SRR: variants seen among roughly 807,000 people sequenced by gnomAD.
The protein encoded by SRR is serine racemase.
Under a neutral mutation model 32.7 loss-of-function variants are expected in SRR, and 19 were observed. That is an observed-to-expected ratio of 0.58 (90% CI 0.40 to 0.85). The LOEUF (loss-of-function observed/expected upper bound fraction) is 0.85, where lower values mean the gene tolerates loss of function less well. Ranked by LOEUF, SRR falls within the 40% of genes least tolerant of loss-of-function variation. The pLI is 0.00. For missense variants in SRR, 373 were observed against 404.7 expected, an observed-to-expected ratio of 0.92 and a Z score of 0.67; for synonymous variants, 142 against 140.9, an observed-to-expected ratio of 1.01 and a Z score of -0.06.
Position 2,325,029 on chromosome 17 carries a change from G to T in SRR, c.*1156G>T. ...TGAAAACTTGTACTTCAAGAGAAATGATGTATAACAAAACCATACTTTTTC... is the reference window on the plus strand; with the variant it reads ...TGAAAACTTGTACTTCAAGAGAAATTATGTATAACAAAACCATACTTTTTC... On this transcript the variant is annotated 3_prime_UTR_variant, in exon 8 of 8. Coordinates refer to ENST00000344595, the MANE Select transcript of SRR (RefSeq NM_021947.3). 1 of 623,776 alleles carries T rather than the reference G, an allele frequency of 1.6e-6. No homozygotes were observed. Among genetic ancestry groups the T allele is most frequent in the Non-Finnish European group, 2.7e-6 (1 of 371,592 alleles). 38.6% of individuals were successfully genotyped at this position (623,776 alleles called of 1,614,324 possible). A position where few individuals can be genotyped will look rare whatever the true frequency, so the allele number is the denominator to read the frequency against.
chr17:2,320,325 G>T (rs1463203618), intron 4 of SRR, among the ~76,000 whole-genome samples: 2 of 124,844 alleles, frequency 1.6e-5, no homozygotes, highest in Admixed American at 9.5e-5. Flanking sequence ...GCACAATCTC[G>T]GCTCACTGCA....
At chr17:2,303,761 C>T (rs961150908), upstream of SRR, 51 of 1,468,978 alleles carry the variant, frequency 3.5e-5, no homozygotes, top group Non-Finnish European at 4.1e-5. Flanking sequence ...TCCGCCACCG[C>T]CGCGCGCAGC....
rs1221090581 is a variant in SRR at position 2,306,998 on chromosome 17, A to G, written c.-5+2981A>G. 7 of 1,386,012 alleles carry G rather than the reference A, an allele frequency of 5.1e-6. No homozygotes were observed. The African/African-American group carries it at 9.9e-5, about 20-fold the overall frequency. The allele number at this position is 1,386,012 out of a possible 1,614,324, so 85.9% of individuals were successfully genotyped here. ...ACGAATGCAAGGCCACACAAGGTGG[A>G]TGGAAGAGTTGTGGAACCAAAGAGA... is the stretch of plus-strand genomic sequence containing the variant. On this transcript the variant is annotated intron_variant, in intron 1 of 7. Coordinates refer to ENST00000344595, the MANE Select transcript of SRR (RefSeq NM_021947.3).
intron 1 of SRR, among the ~76,000 whole-genome samples, chr17:2,312,260 C>T (rs977472307): frequency 6.7e-6 from 1 of 148,462 alleles, no homozygotes; most frequent in African/African-American, 2.5e-5. Flanking sequence ...GGCCAAGATA[C>T]ACAAAAAAAT....
At chr17:2,314,283 C>G (rs901296681) in intron 1 of SRR, among the ~76,000 whole-genome samples, 3 of 151,432 alleles carry the variant, frequency 2.0e-5, no homozygotes, top group Non-Finnish European at 4.4e-5. Context: ...AACCCCGTCT[C>G]TATTAAAAAT....
intron 6 of SRR, 108 bp downstream of exon 6, chr17:2,321,724 CCT>C: frequency 1.0e-6 from 1 of 981,936 alleles, no homozygotes; most frequent in South Asian, 1.4e-5. Flanking sequence ...CATTCCTTCC[CCT>C]TATTCCTTTG....
intron 1 of SRR, chr17:2,307,613 T>C (rs1170803188): frequency 2.1e-6 from 2 of 955,518 alleles, no homozygotes; most frequent in Non-Finnish European, 3.4e-6. Context: ...GCAGAAGCTC[T>C]GGCCCCTATG....
intron 4 of SRR, 53 bp from the exon 5 acceptor site, chr17:2,321,250 CTTG>C: frequency 1.3e-6 from 2 of 1,592,842 alleles, no homozygotes; most frequent in Non-Finnish European, 1.7e-6. Flanking sequence ...CCAAATGGAA[CTTG>C]TTGGGGACTC....
Position 2,325,054 on chromosome 17 carries a change from C to T in SRR, c.*1181C>T. On this transcript the variant is annotated 3_prime_UTR_variant, in exon 8 of 8. Transcript: ENST00000344595. ...GATGTATAACAAAACCATACTTTTT[C>T]TCATCAGTTGTTACAAGGAAAGGAT... 1 of 602,382 alleles carries T rather than the reference C, an allele frequency of 1.7e-6. No homozygotes were observed. Among genetic ancestry groups the T allele is most frequent in the South Asian group, 2.4e-5 (1 of 42,432 alleles). 37.3% of individuals were successfully genotyped at this position (602,382 alleles called of 1,614,324 possible). A position where few individuals can be genotyped will look rare whatever the true frequency, so the allele number is the denominator to read the frequency against.
At chr17:2,316,734 A>G (rs901261318) in intron 2 of SRR, among the ~76,000 whole-genome samples, 1 of 151,890 alleles carries the variant, frequency 6.6e-6, no homozygotes, top group Non-Finnish European at 1.5e-5. Context: ...TTGTTTTGAG[A>G]CGGAGTCTCA....
In SRR at chr17:2,324,830, C is replaced by A. The variant is rs1567781617; in HGVS notation, c.*957C>A. 1 of 1,605,048 alleles carries A rather than the reference C, an allele frequency of 6.2e-7. No homozygotes were observed. Among genetic ancestry groups the A allele is most frequent in the Non-Finnish European group, 8.5e-7 (1 of 1,177,566 alleles). Reference sequence around the variant, plus strand: ...CCTGTAGCAATGAGGCTGTGCATTCCTAAAGGACAAAAGCAAAGAAGCTAT... The same window carrying A: ...CCTGTAGCAATGAGGCTGTGCATTCATAAAGGACAAAAGCAAAGAAGCTAT... On this transcript the variant is annotated 3_prime_UTR_variant, in exon 8 of 8. Coordinates refer to ENST00000344595, the MANE Select transcript of SRR (RefSeq NM_021947.3).
intron 1 of SRR, among the ~76,000 whole-genome samples, chr17:2,308,991 G>A (rs2075414669): frequency 6.6e-6 from 1 of 151,004 alleles, no homozygotes; most frequent in African/African-American, 2.4e-5. Context: ...GGTGCTACAT[G>A]CCTGTAATCC....
intron 1 of SRR, among the ~76,000 whole-genome samples, chr17:2,312,683 T>A (rs2075441661): frequency 6.6e-6 from 1 of 152,186 alleles, no homozygotes; most frequent in East Asian, 1.9e-4. Context: ...CCATCAAAAC[T>A]GTTGTTGGGA....
chr17:2,308,043 C>CT (rs199908612), intron 1 of SRR, among the ~76,000 whole-genome samples: 22 of 141,924 alleles, frequency 1.6e-4, no homozygotes, highest in East Asian at 1.0e-3. Flanking sequence ...GAATAAATGT[C>CT]TTTTTAAAAA....
At chr17:2,305,076 C>A (rs1188677669) in intron 1 of SRR, among the ~76,000 whole-genome samples, 1 of 152,140 alleles carries the variant, frequency 6.6e-6, no homozygotes, top group Admixed American at 6.5e-5. Flanking sequence ...TCCTTCAGTT[C>A]CTTTTACGTG....
chr17:2,314,490 G>A (rs2075455934), intron 1 of SRR, among the ~76,000 whole-genome samples: 1 of 151,946 alleles, frequency 6.6e-6, no homozygotes, highest in African/African-American at 2.4e-5. Flanking sequence ...GGCTGAGGCA[G>A]GAGAATGGCG....
At chr17:2,315,795 C>A in intron 2 of SRR, 67 bp downstream of exon 2, 1 of 1,443,006 alleles carries the variant, frequency 6.9e-7, no homozygotes, top group Non-Finnish European at 9.6e-7. Flanking sequence ...GTTTGATTCT[C>A]CTGACCACCC....
At chr17:2,305,172 T>C (rs1348751682) in intron 1 of SRR, among the ~76,000 whole-genome samples, 1 of 152,136 alleles carries the variant, frequency 6.6e-6, no homozygotes. Flanking sequence ...GAGGAACCAT[T>C]TGAGTGGTCA....
intron 1 of SRR, 190 bp from the exon 2 acceptor site, chr17:2,315,367 T>G (rs1374579949): frequency 2.0e-6 from 1 of 489,382 alleles, no homozygotes; most frequent in Non-Finnish European, 3.4e-6. Context: ...CCCTCAAAGC[T>G]TCACCAGAAA....
Sources: gnomAD v4.1 joint callset for allele counts (sites outside exome capture counted in the v4.1 genomes callset) on GRCh38, gnomAD v4.1.1 for gene constraint, MANE v1.5 for transcripts, NCBI Gene and HGNC (gene_info 2026-07-23, HGNC 2026-07-21) for gene names.